Variants in IMMP2L observed in about 807,000 individuals in gnomAD.
IMMP2L encodes the protein inner mitochondrial membrane peptidase subunit 2.
IMMP2L carries 18 observed loss-of-function variants against 19.3 expected under a neutral mutation model. The observed-to-expected ratio is 0.93, with a 90% CI of 0.64 to 1.38. IMMP2L has a LOEUF of 1.38. IMMP2L is among the 40% of genes most tolerant of loss of function. The pLI is 0.00. For synonymous variants in IMMP2L, 76 were observed against 73.0 expected (o/e 1.04, Z -0.21); for missense variants, 233 against 218.2 (o/e 1.07, Z -0.43).
intron 3 of IMMP2L, among the ~76,000 whole-genome samples, chr7:111,410,373 G>A (rs992160561): frequency 4.6e-5 from 7 of 151,664 alleles, no homozygotes; most frequent in African/African-American, 1.7e-4. Flanking sequence ...AGTGGAGGGT[G>A]GTGGGGAGAG....
chr7:110,783,049 C>T (rs528904803), intron 5 of IMMP2L, among the ~76,000 whole-genome samples: 4 of 151,882 alleles, frequency 2.6e-5, no homozygotes, highest in South Asian at 2.1e-4. Flanking sequence ...TGGAAATGTG[C>T]GTTCTTGAGT....
At chr7:111,553,562 C>G (rs1790924693) in intron 1 of IMMP2L, among the ~76,000 whole-genome samples, 2 of 150,864 alleles carry the variant, frequency 1.3e-5, no homozygotes, top group African/African-American at 4.9e-5. Flanking sequence ...AATTTTAATA[C>G]TAAAATATTA....
At chr7:111,218,348 C>T (rs911144889) in intron 3 of IMMP2L, among the ~76,000 whole-genome samples, 2 of 152,014 alleles carry the variant, frequency 1.3e-5, no homozygotes, top group Admixed American at 1.3e-4. Context: ...TGTCTTCCTC[C>T]TGAAAGAGCT....
intron 3 of IMMP2L, among the ~76,000 whole-genome samples, chr7:111,305,195 C>T (rs769304027): frequency 4.0e-5 from 6 of 151,882 alleles, no homozygotes; most frequent in African/African-American, 1.2e-4. Flanking sequence ...AAGAAGAGTA[C>T]GAGCAGAGTT....
intron 4 of IMMP2L, among the ~76,000 whole-genome samples, chr7:110,904,927 T>C (rs78238692): frequency 6.6e-6 from 1 of 152,148 alleles, no homozygotes; most frequent in East Asian, 1.9e-4. Context: ...TTCACCCTTA[T>C]CAAAAATCAT....
At position 111,532,196 on chromosome 7, in the gene IMMP2L, C is replaced by G. The variant is rs545700230; in HGVS notation, c.-2-10747G>C. 2.6e-5 allele frequency among the ~76,000 whole-genome samples: 4 copies of G among 152,210 alleles called. No homozygotes were observed. In the East Asian group the frequency reaches 7.7e-4, roughly 29 times the overall value. On this transcript the variant is annotated intron_variant, in intron 1 of 5. Coordinates refer to ENST00000405709, the MANE Select transcript of IMMP2L (RefSeq NM_032549.4). ...CTAGAAACCATGTGACAGCCAGTTT[C>G]CAAAGCACGGTCATCCAAGTACCAA... is the stretch of plus-strand genomic sequence containing the variant.
intron 3 of IMMP2L, among the ~76,000 whole-genome samples, chr7:111,261,918 A>T (rs1817350406): frequency 6.6e-6 from 1 of 152,176 alleles, no homozygotes; most frequent in Admixed American, 6.6e-5. Context: ...ACTGAAGAAT[A>T]TAAAGCTGGA....
intron 3 of IMMP2L, among the ~76,000 whole-genome samples, chr7:111,072,461 C>CT (rs1313756142): frequency 6.6e-6 from 1 of 151,980 alleles, no homozygotes; most frequent in Admixed American, 6.5e-5. Flanking sequence ...GCAGTGTAAA[C>CT]TGCATTACTC....
At chr7:111,269,072 TGCTACTTCTGCCTAC>T (rs2130186378) in intron 3 of IMMP2L, among the ~76,000 whole-genome samples, 1 of 152,290 alleles carries the variant, frequency 6.6e-6, no homozygotes, top group East Asian at 1.9e-4. Flanking sequence ...GCTCTGCCTA[TGCTACTTCTGCCTAC>T]AACTGCCAGT....
At chr7:111,281,139 AC>A (rs1179231939) in intron 3 of IMMP2L, among the ~76,000 whole-genome samples, 2 of 68,934 alleles carry the variant, frequency 2.9e-5, no homozygotes, top group Non-Finnish European at 5.4e-5. Context: ...AGAGAGAAAG[AC>A]AGAAAGACAG....
intron 3 of IMMP2L, among the ~76,000 whole-genome samples, chr7:111,234,069 T>C (rs1031245428): frequency 1.3e-5 from 2 of 152,090 alleles, no homozygotes; most frequent in African/African-American, 4.8e-5. Context: ...GCTATAAATT[T>C]CCCTTTAAGT....
At position 111,487,465 on chromosome 7, in the gene IMMP2L, G is replaced by T. The variant is rs950226552; in HGVS notation, c.136-124C>A. ...CTAATACAGTACCTTTCTATAAATT[G>T]CTGTTCTAAAGTAACTGCAAATGAT... On this transcript the variant is annotated intron_variant, in intron 2 of 5. Coordinates refer to ENST00000405709, the MANE Select transcript of IMMP2L (RefSeq NM_032549.4). The T allele has an allele frequency of 8.9e-5, 50 of 559,786 alleles. No homozygotes were observed. In the South Asian group the frequency reaches 1.1e-3, roughly 12 times the overall value. 34.7% of individuals were successfully genotyped at this position (559,786 alleles called of 1,614,324 possible).
chr7:111,402,123 AAATAATAATAATAATAAT>A (rs59071691), intron 3 of IMMP2L, among the ~76,000 whole-genome samples: 376 of 137,342 alleles, frequency 2.7e-3, no homozygotes, highest in African/African-American at 5.5e-3. Flanking sequence ...CCCATCTCAA[AAATAATAATAATAATAAT>A]AATAATAATA....
intron 3 of IMMP2L, among the ~76,000 whole-genome samples, chr7:111,169,572 G>C (rs1416203739): frequency 6.6e-6 from 1 of 151,736 alleles, no homozygotes; most frequent in African/African-American, 2.4e-5. Context: ...ACAATCTTTG[G>C]TGTTCCTTGG....
intron 3 of IMMP2L, among the ~76,000 whole-genome samples, chr7:111,201,782 C>T (rs1015997267): frequency 6.6e-5 from 10 of 151,912 alleles, no homozygotes; most frequent in Non-Finnish European, 8.8e-5. Flanking sequence ...GTGAGGGCTC[C>T]GCCCTCATGA....
At chr7:111,225,575 T>C (rs534523577) in intron 3 of IMMP2L, among the ~76,000 whole-genome samples, 1 of 151,718 alleles carries the variant, frequency 6.6e-6, no homozygotes, top group East Asian at 1.9e-4. Context: ...AGGAAAGTAC[T>C]ACTTATTGAG....
chr7:111,463,258 C>T (rs1298821750), intron 3 of IMMP2L, among the ~76,000 whole-genome samples: 1 of 151,962 alleles, frequency 6.6e-6, no homozygotes. Flanking sequence ...ATACAAATGA[C>T]ACCTCATTTT....
intron 5 of IMMP2L, among the ~76,000 whole-genome samples, chr7:110,878,902 C>A (rs536485294): frequency 1.3e-5 from 2 of 152,150 alleles, no homozygotes; most frequent in East Asian, 3.9e-4. Flanking sequence ...GTATATTTAT[C>A]AAGTTAGGAA....
chr7:111,418,164 C>G (rs780064989), intron 3 of IMMP2L, among the ~76,000 whole-genome samples: 1 of 151,722 alleles, frequency 6.6e-6, no homozygotes, highest in African/African-American at 2.4e-5. Context: ...CCATCTTTTA[C>G]GAAATTGTAA....
Sources: allele counts gnomAD v4.1 joint callset (sites outside exome capture counted in the v4.1 genomes callset), GRCh38; gene constraint gnomAD v4.1.1; transcripts MANE v1.5; gene names NCBI Gene and HGNC (gene_info 2026-07-23, HGNC 2026-07-21).